The following PHACTR2 variants were observed in gnomAD, a reference collection of about 807,000 sequenced individuals.
PHACTR2 encodes phosphatase and actin regulator 2, also known as chromosome 6 open reading frame 56.
In PHACTR2, 30 loss-of-function variants were observed where a neutral mutation model predicts 76.0. The ratio of observed to expected loss-of-function variants is 0.39; its 90% confidence interval spans 0.30 to 0.54. The LOEUF (loss-of-function observed/expected upper bound fraction) is 0.54. Ranked by LOEUF, PHACTR2 falls within the 20% of genes least tolerant of loss-of-function variation. The pLI, the probability that PHACTR2 is intolerant of heterozygous loss-of-function variation, is 0.61. For synonymous variants in PHACTR2, 292 were observed against 292.5 expected (o/e 1.00, Z 0.02); for missense variants, 696 against 781.1 (o/e 0.89, Z 1.30).
chr6:143,757,990 T>C lies in PHACTR2; in HGVS notation c.455-2411T>C, dbSNP rs899831298. Among the ~76,000 whole-genome samples, 4 of 128,910 alleles carry C rather than the reference T, an allele frequency of 3.1e-5. No homozygotes were observed. The highest frequency in any genetic ancestry group is 6.3e-5 in the Non-Finnish European group (4 of 63,080). The allele number at this position is 128,910 out of a possible 152,430, so 84.6% of individuals were successfully genotyped here. ...ACACACACACACACACACACACACA[T>C]AACTTAAGAATTACCAGAATGACAA... On this transcript the variant is annotated intron_variant, in intron 4 of 12. Transcript: ENST00000440869. This position sits in a 1 kb window ranked among gnomAD's most constrained non-coding sequence, Gnocchi z 4.2.
At chr6:143,766,172 A>T (rs12661297) in intron 6 of PHACTR2, among the ~76,000 whole-genome samples, 104,322 of 152,140 alleles carry the variant, frequency 0.69, 36,272 homozygotes, top group East Asian at 0.93. Flanking sequence ...CTTCCCCTTC[A>T]CCAAGAACAT....
chr6:143,579,958 G>C (rs1164141328), intron 1 of PHACTR2, among the ~76,000 whole-genome samples: 4 of 152,204 alleles, frequency 2.6e-5, no homozygotes, highest in African/African-American at 9.6e-5. Context: ...TTGTTGGCAG[G>C]GTTCTGTTTT....
chr6:143,671,095 A>G lies in PHACTR2; in HGVS notation c.14-40921A>G, dbSNP rs1777146456. 6.6e-6 allele frequency among the ~76,000 whole-genome samples: 1 copy of G among 151,834 alleles called. No homozygotes were observed. Among genetic ancestry groups the G allele is most frequent in the Non-Finnish European group, 1.5e-5 (1 of 67,960 alleles). ...CAGGAATGCGCCACCATGCCCAGCT[A>G]ATTTTTGTATTTTTAGTAGAGATGG... On this transcript the variant is annotated intron_variant, in intron 1 of 11. Transcript: ENST00000305766. This position sits in a 1 kb window ranked among gnomAD's most constrained non-coding sequence, Gnocchi z 4.6.
At chr6:143,749,264 T>G (rs533114631) in intron 3 of PHACTR2, among the ~76,000 whole-genome samples, 199 bp downstream of exon 3, 5 of 152,194 alleles carry the variant, frequency 3.3e-5, no homozygotes, top group Non-Finnish European at 4.4e-5. Context: ...CTAGTGACTT[T>G]CCTGGTGAAT....
chr6:143,640,178 T>C (rs1036529898), intron 1 of PHACTR2, among the ~76,000 whole-genome samples: 1 of 152,256 alleles, frequency 6.6e-6, no homozygotes, highest in African/African-American at 2.4e-5. Flanking sequence ...CATATAATTA[T>C]GTACAGTGCA....
Position 143,800,093 on chromosome 6 carries a change from G to T in PHACTR2, c.1846-6964G>T, listed in dbSNP as rs1014251682. Among the ~76,000 whole-genome samples, 1 of 152,088 alleles carries T rather than the reference G, an allele frequency of 6.6e-6. No individual in the cohort carries two copies. ...ACTGGATGCATATATATTTAGGATA[G>T]TTAACTCTTTTTGTTGAATTGATCC... On this transcript the variant is annotated intron_variant, in intron 11 of 12. Transcript: ENST00000440869. The surrounding 1 kb of genome is among the most constrained non-coding windows in gnomAD (Gnocchi z 4.8).
In PHACTR2 at chr6:143,774,256, T is replaced by A. The variant is rs769181691; in HGVS notation, c.1589+41T>A. 1 of 1,544,462 alleles carries A rather than the reference T, an allele frequency of 6.5e-7. No individual in the cohort carries two copies. Among genetic ancestry groups the A allele is most frequent in the Admixed American group, 1.7e-5 (1 of 58,112 alleles). ...TTAGGACAGTACTGACTAATTTGTA[T>A]TTTTCTCCCTCCCAAAGCTTCCTAC... On this transcript the variant is annotated intron_variant, in intron 8 of 12. Transcript: ENST00000440869. This position sits in a 1 kb window ranked among gnomAD's most constrained non-coding sequence, Gnocchi z 5.4.
intron 1 of PHACTR2, among the ~76,000 whole-genome samples, chr6:143,576,612 C>G (rs769442523): frequency 2.0e-5 from 3 of 152,108 alleles, no homozygotes; most frequent in African/African-American, 7.2e-5. Flanking sequence ...AGCGGTGGCT[C>G]AGGCCTGTAA....
chr6:143,805,735 A>C (rs1776049857), intron 11 of PHACTR2, among the ~76,000 whole-genome samples: 1 of 152,202 alleles, frequency 6.6e-6, no homozygotes. Flanking sequence ...TTATTGTCAC[A>C]GTTCCTAGTC....
chr6:143,658,576 G>T lies in PHACTR2; in HGVS notation c.13+50254G>T, dbSNP rs78952019. Among the ~76,000 whole-genome samples the T allele has an allele frequency of 0.015, 2,341 of 152,254 alleles. 42 individuals carry two copies. Among genetic ancestry groups the T allele is most frequent in the African/African-American group, 0.053 (2,204 of 41,542 alleles). ...TATACAACCTAGGCTGTATGGTATA[G>T]CTTATTTCTCCCAAGCTACAAATCT... On this transcript the variant is annotated intron_variant, in intron 1 of 11. Coordinates refer to the PHACTR2 transcript ENST00000305766. This position sits in a 1 kb window ranked among gnomAD's most constrained non-coding sequence, Gnocchi z 4.1.
Position 143,788,899 on chromosome 6 carries a change from C to A in PHACTR2, c.1834C>A (p.Pro612Thr). 5.6e-6 allele frequency: 9 copies of A among 1,609,966 alleles called. No homozygotes were observed. The highest frequency in any genetic ancestry group is 6.8e-6 in the Non-Finnish European group (8 of 1,176,640). ...AGACAAGCCCTGGGCCAGGTTAACA[C>A]CTGCAGACAAGGCAAGAATCCCAGT... ...RADKPWARLT[P>T]ADKAAIRKEL... The change falls in exon 11 of 13, where the codon CCT (proline) becomes ACT (threonine). Residue 612 changes from proline to threonine, a missense_variant. Physicochemically the swap from Pro to Thr is conservative, Grantham distance 38. Around this residue, in one of 2 missense-constraint regions of PHACTR2, gnomAD observed 236 missense variants for 330.2 expected, o/e 0.71. Coordinates refer to ENST00000440869, the MANE Select transcript of PHACTR2 (RefSeq NM_001100164.2).
At chr6:143,551,782 A>G (rs1338312681) in intron 1 of PHACTR2, among the ~76,000 whole-genome samples, 1 of 152,170 alleles carries the variant, frequency 6.6e-6, no homozygotes, top group East Asian at 1.9e-4. Flanking sequence ...TGTGGTTGAT[A>G]TTATAATACC....
intron 1 of PHACTR2, among the ~76,000 whole-genome samples, chr6:143,538,093 T>TACAC (rs34308001): frequency 0.13 from 19,936 of 150,614 alleles, 1,481 homozygotes; most frequent in South Asian, 0.32. Context: ...GACTCCGTCT[T>TACAC]ACACACACAC....
At position 143,556,953 on chromosome 6, in the gene PHACTR2, A is replaced by G. The variant is rs921547678; in HGVS notation, c.217+19746A>G. 3.3e-5 allele frequency among the ~76,000 whole-genome samples: 5 copies of G among 152,156 alleles called. No individual in the cohort carries two copies. The highest frequency in any genetic ancestry group is 1.3e-4 in the Admixed American group (2 of 15,280). On this transcript the variant is annotated intron_variant, in intron 1 of 11. Coordinates refer to the PHACTR2 transcript ENST00000367584. This position sits in a 1 kb window ranked among gnomAD's most constrained non-coding sequence, Gnocchi z 4.3. ...TGTCCTCCTCCCTCAGAGAGACCAC[A>G]TTTCCTTTTGAAACAAAAATGAGGC...
Position 143,596,218 on chromosome 6 carries a change from C to T in PHACTR2, c.217+59011C>T, listed in dbSNP as rs768706924. ...CCATGAAAAATACTTTTGTTGTCCC[C>T]AGCAAGCCAGATCTGTGAGTCCCTT... On this transcript the variant is annotated intron_variant, in intron 1 of 11. Coordinates refer to the PHACTR2 transcript ENST00000367584. This position sits in a 1 kb window ranked among gnomAD's most constrained non-coding sequence, Gnocchi z 4.6. Among the ~76,000 whole-genome samples, 1 of 152,174 alleles carries T rather than the reference C, an allele frequency of 6.6e-6. No homozygotes were observed. The highest frequency in any genetic ancestry group is 1.5e-5 in the Non-Finnish European group (1 of 68,026).
At chr6:143,594,919 C>T (rs991050854) in intron 1 of PHACTR2, among the ~76,000 whole-genome samples, 15 of 152,302 alleles carry the variant, frequency 9.8e-5, no homozygotes, top group Middle Eastern at 6.8e-3. Context: ...ACATCATAGG[C>T]GCCCTCTTAT....
intron 1 of PHACTR2, among the ~76,000 whole-genome samples, chr6:143,707,216 T>C (rs78204336): frequency 0.036 from 5,413 of 152,224 alleles, 327 homozygotes; most frequent in African/African-American, 0.12. Flanking sequence ...TTTAAGGAAA[T>C]AGAGTTTGAT....
At chr6:143,586,262 T>G (rs1466356930) in intron 1 of PHACTR2, among the ~76,000 whole-genome samples, 1 of 151,196 alleles carries the variant, frequency 6.6e-6, no homozygotes, top group Non-Finnish European at 1.5e-5. Flanking sequence ...CTGTACAGCA[T>G]TTGACTGTTT....
chr6:143,734,612 G>A (rs1207606778), intron 2 of PHACTR2, among the ~76,000 whole-genome samples: 1 of 152,192 alleles, frequency 6.6e-6, no homozygotes, highest in Non-Finnish European at 1.5e-5. Flanking sequence ...CACACACATA[G>A]AATGAATTGC....
Sources: allele counts gnomAD v4.1 joint callset (sites outside exome capture counted in the v4.1 genomes callset), GRCh38; gene constraint gnomAD v4.1.1; regional missense constraint gnomAD v4.1.1; non-coding constraint Gnocchi (gnomAD v3.1); transcripts MANE v1.5; gene names NCBI Gene and HGNC (gene_info 2026-07-23, HGNC 2026-07-21).